Variants in JAK2 observed in about 807,000 individuals in gnomAD.
The protein encoded by JAK2 is tyrosine-protein kinase JAK2.
JAK2 carries 86 observed loss-of-function variants against 139.3 expected under a neutral mutation model. That is an observed-to-expected ratio of 0.62 (90% CI 0.52 to 0.74). The LOEUF is 0.74. JAK2 is among the 30% of genes least tolerant of loss of function. JAK2 has a pLI of 0.00. For synonymous variants in JAK2, 490 were observed against 437.7 expected (o/e 1.12, Z -1.49); for missense variants, 1,421 against 1,360.3 (o/e 1.04, Z -0.70).
chr9:5,091,863 G>T (rs911346247), intron 22 of JAK2, among the ~76,000 whole-genome samples: 18 of 152,044 alleles, frequency 1.2e-4, no homozygotes, highest in African/African-American at 4.1e-4. Flanking sequence ...ATGAAATTAA[G>T]CTCTATTGCT....
At position 5,101,423 on chromosome 9, in the gene JAK2, C is replaced by A. The variant is rs147291015; in HGVS notation, c.3059+10512C>A. 1.5e-3 allele frequency among the ~76,000 whole-genome samples: 229 copies of A among 152,366 alleles called. 1 individual carries two copies. The highest frequency in any genetic ancestry group is 5.0e-3 in the African/African-American group (206 of 41,594). ...GCCCACCACAGCTCTGCAAGGCCTG[C>A]TGCCTTTGTAGACCACACCTCTGGG... On this transcript the variant is annotated intron_variant, in intron 22 of 24. Coordinates refer to ENST00000381652, the MANE Select transcript of JAK2 (RefSeq NM_004972.4).
chr9:5,072,504 G>A lies in JAK2; in HGVS notation c.1654G>A (p.Gly552Ser). 2.5e-6 allele frequency: 4 copies of A among 1,581,084 alleles called. No homozygotes were observed. Among genetic ancestry groups the A allele is most frequent in the Non-Finnish European group, 3.4e-6 (4 of 1,161,662 alleles). Residue 552 changes from glycine (G) to serine (S), a missense_variant, in exon 13 of 25, where the codon GGC becomes AGC. Transcript: ENST00000381652. ...TTTTCTCTTGAAGAATGAAAGCCTTGGCCAAGGCACTTTTACAAAGATTTT... is the reference window on the plus strand; with the variant it reads ...TTTTCTCTTGAAGAATGAAAGCCTTAGCCAAGGCACTTTTACAAAGATTTT... Reference protein sequence around the residue: ...NEDLIFNESLGQGTFTKIFKG... With the variant: ...NEDLIFNESLSQGTFTKIFKG...
intron 22 of JAK2, chr9:5,112,210 C>G: frequency 3.7e-6 from 1 of 273,080 alleles, no homozygotes; most frequent in Admixed American, 4.7e-5. Context: ...CCCCATGCTG[C>G]TGGTGGGGGC....
chr9:5,022,247 G>T (rs1342735753), intron 3 of JAK2, 34 bp downstream of exon 3: 1 of 1,456,778 alleles, frequency 6.9e-7, no homozygotes, highest in Non-Finnish European at 9.6e-7. Flanking sequence ...TCCTTTTTAT[G>T]CATGGATTGT....
chr9:5,064,548 G>A (rs6476938), intron 8 of JAK2, among the ~76,000 whole-genome samples: 50,369 of 151,010 alleles, frequency 0.33, 8,883 homozygotes, highest in African/African-American at 0.46. Context: ...AAAGAAAAAA[G>A]GAAATGCTCA....
chr9:5,004,129 C>G (rs527811342), intron 2 of JAK2, among the ~76,000 whole-genome samples: 36 of 152,070 alleles, frequency 2.4e-4, no homozygotes, highest in Non-Finnish European at 4.3e-4. Flanking sequence ...ACATACTTAT[C>G]TTTTGTGGTG....
rs1238108097 is a variant in JAK2, at chr9:4,986,017, G to T, written c.-31G>T. On this transcript the variant is annotated 5_prime_UTR_variant, in exon 2 of 25. Coordinates refer to ENST00000381652, the MANE Select transcript of JAK2 (RefSeq NM_004972.4). ...AAAAGAGGCTCTTCCTCCTCCTCCC[G>T]CGACGGTGGGTGTGCTGTCCTTTAT... is the stretch of plus-strand genomic sequence containing the variant. 6.6e-6 allele frequency: 1 copy of T among 152,610 alleles called. No individual in the cohort carries two copies. Among genetic ancestry groups the T allele is most frequent in the Middle Eastern group, 3.1e-3 (1 of 318 alleles). 9.5% of individuals were successfully genotyped at this position (152,610 alleles called of 1,614,324 possible).
At chr9:5,016,880 A>G (rs998430860) in intron 2 of JAK2, among the ~76,000 whole-genome samples, 1 of 152,216 alleles carries the variant, frequency 6.6e-6, no homozygotes, top group Non-Finnish European at 1.5e-5. Context: ...AAAATAATTT[A>G]GAGGGAATAA....
intron 16 of JAK2, among the ~76,000 whole-genome samples, chr9:5,079,350 A>G (rs1213365487): frequency 1.3e-5 from 2 of 152,248 alleles, no homozygotes. Flanking sequence ...TCTTGAATAC[A>G]GTCCTTCTGG....
chr9:5,098,912 T>C (rs1821244479), intron 22 of JAK2: 1 of 152,124 alleles, frequency 6.6e-6, no homozygotes, highest in East Asian at 1.9e-4. Flanking sequence ...GCCAGGATGG[T>C]CTTCATCTCC....
At chr9:5,068,177 A>G (rs10974943) in intron 10 of JAK2, among the ~76,000 whole-genome samples, 3 of 71,116 alleles carry the variant, frequency 4.2e-5, no homozygotes, top group Non-Finnish European at 6.9e-5. Flanking sequence ...ACAACAACAA[A>G]AAAAAAAAAA....
rs1202161032 is a variant in JAK2, at chr9:5,126,853, T to A, written c.*62T>A. 1 of 962,962 alleles carries A rather than the reference T, an allele frequency of 1.0e-6. No homozygotes were observed. The highest frequency in any genetic ancestry group is 1.6e-6 in the Non-Finnish European group (1 of 610,638). The allele number at this position is 962,962 out of a possible 1,614,324, so 59.7% of individuals were successfully genotyped here. ...ACAGAACAAAGTTTTATATTTCACA[T>A]TGCTGTGGACTATTATTACATATAT... On this transcript the variant is annotated 3_prime_UTR_variant, in exon 25 of 25. Coordinates refer to ENST00000381652, the MANE Select transcript of JAK2 (RefSeq NM_004972.4).
chr9:5,034,373 G>C (rs2130203370), intron 4 of JAK2, among the ~76,000 whole-genome samples: 1 of 152,290 alleles, frequency 6.6e-6, no homozygotes. Flanking sequence ...ATTGAATTCA[G>C]CTCTGGACCA....
At chr9:5,025,510 T>G (rs2130110922) in intron 3 of JAK2, among the ~76,000 whole-genome samples, 1 of 151,866 alleles carries the variant, frequency 6.6e-6, no homozygotes, top group East Asian at 1.9e-4. Context: ...TTTCTTCTTC[T>G]TTTGTTTAAG....
At chr9:5,095,413 C>G (rs1398185498) in intron 22 of JAK2, among the ~76,000 whole-genome samples, 1 of 152,168 alleles carries the variant, frequency 6.6e-6, no homozygotes, top group Non-Finnish European at 1.5e-5. Context: ...TTTTCTTACA[C>G]AAGCAACTGC....
chr9:5,013,937 G>T (rs1252619711), intron 2 of JAK2, among the ~76,000 whole-genome samples: 1 of 152,070 alleles, frequency 6.6e-6, no homozygotes, highest in East Asian at 1.9e-4. Flanking sequence ...AAGAAAGGAT[G>T]AAACTTATTT....
In JAK2 at chr9:5,126,909, C is replaced by A; in HGVS notation, c.*118C>A. On this transcript the variant is annotated 3_prime_UTR_variant, in exon 25 of 25. Coordinates refer to ENST00000381652, the MANE Select transcript of JAK2 (RefSeq NM_004972.4). ...TTATATAAATCATGATGCTAGCCAG[C>A]AAAGATGTGAAAATATCTGCTCAAA... 1.9e-6 allele frequency: 1 copy of A among 520,370 alleles called. No homozygotes were observed. The allele number at this position is 520,370 out of a possible 1,614,324, so 32.2% of individuals were successfully genotyped here. A position where few individuals can be genotyped will look rare whatever the true frequency, so the allele number is the denominator to read the frequency against.
chr9:5,106,325 T>C (rs1254950315), intron 22 of JAK2, among the ~76,000 whole-genome samples: 1 of 152,066 alleles, frequency 6.6e-6, no homozygotes, highest in Non-Finnish European at 1.5e-5. Context: ...ATCAGAGAAA[T>C]GGAAATCAAA....
intron 22 of JAK2, among the ~76,000 whole-genome samples, chr9:5,093,586 A>T (rs1198352765): frequency 1.3e-5 from 2 of 152,194 alleles, no homozygotes; most frequent in Admixed American, 6.5e-5. Flanking sequence ...TATAGGCCTT[A>T]ACCTACTATC....
Sources: gnomAD v4.1 joint callset for allele counts (sites outside exome capture counted in the v4.1 genomes callset) on GRCh38, gnomAD v4.1.1 for gene constraint, MANE v1.5 for transcripts, NCBI Gene and HGNC (gene_info 2026-07-23, HGNC 2026-07-21) for gene names.